Variants in C4BPA observed in about 807,000 individuals in gnomAD.
The protein encoded by C4BPA is C4b-binding protein alpha chain.
A neutral mutation model predicts 63.7 loss-of-function variants in C4BPA; 31 were observed. That is an observed-to-expected ratio of 0.49 (90% CI 0.37 to 0.66). C4BPA has a LOEUF of 0.66. C4BPA is among the 30% of genes least tolerant of loss of function. C4BPA has a pLI of 0.00. For synonymous variants in C4BPA, 259 were observed against 254.7 expected (o/e 1.02, Z -0.16); for missense variants, 572 against 723.3 (o/e 0.79, Z 2.40).
chr1:207,120,536 G>A (rs927210240), intron 4 of C4BPA, among the ~76,000 whole-genome samples: 1 of 152,030 alleles, frequency 6.6e-6, no homozygotes, highest in African/African-American at 2.4e-5. Context: ...AGGTTGAGGT[G>A]GGAAGATCAC....
chr1:207,128,818 A>C (rs1024365060), intron 7 of C4BPA, among the ~76,000 whole-genome samples: 1 of 152,224 alleles, frequency 6.6e-6, no homozygotes, highest in Non-Finnish European at 1.5e-5. Flanking sequence ...GGGAGAATCA[A>C]TATCCAAAGT....
chr1:207,108,863 C>T (rs1433562154), intron 1 of C4BPA, among the ~76,000 whole-genome samples: 1 of 152,248 alleles, frequency 6.6e-6, no homozygotes. Context: ...GCTGGGATTA[C>T]AGGCGTGCAC....
chr1:207,122,262 A>G (rs967539473), intron 4 of C4BPA, among the ~76,000 whole-genome samples: 1 of 152,200 alleles, frequency 6.6e-6, no homozygotes, highest in Non-Finnish European at 1.5e-5. Flanking sequence ...TTCAGATAAT[A>G]TATCTGAGGC....
At chr1:207,132,399 T>A (rs1685179858) in intron 8 of C4BPA, among the ~76,000 whole-genome samples, 1 of 152,230 alleles carries the variant, frequency 6.6e-6, no homozygotes, top group Non-Finnish European at 1.5e-5. Flanking sequence ...GAAAATGCTT[T>A]CTTCTATCCA....
At chr1:207,134,312 G>A in intron 8 of C4BPA, 92 bp from the exon 9 acceptor site, 1 of 910,522 alleles carries the variant, frequency 1.1e-6, no homozygotes. Flanking sequence ...CTTCAGTGGT[G>A]AGATCGTCCA....
At chr1:207,114,485 C>CTTTT (rs34895847) in intron 3 of C4BPA, among the ~76,000 whole-genome samples, 200 bp downstream of exon 3, 8 of 59,550 alleles carry the variant, frequency 1.3e-4, no homozygotes, top group Non-Finnish European at 1.6e-4. Context: ...TAACTCTGTT[C>CTTTT]TTTTTTTTTT....
intron 9 of C4BPA, among the ~76,000 whole-genome samples, chr1:207,135,828 T>C (rs1441159655): frequency 6.6e-6 from 1 of 152,238 alleles, no homozygotes; most frequent in Non-Finnish European, 1.5e-5. Flanking sequence ...TTCTGAATGA[T>C]GCAGTATGTG....
chr1:207,134,311 T>G, intron 8 of C4BPA, 93 bp from the exon 9 acceptor site: 60 of 893,674 alleles, frequency 6.7e-5, no homozygotes, highest in Non-Finnish European at 1.0e-4. Context: ...TCTTCAGTGG[T>G]GAGATCGTCC....
chr1:207,108,571 G>C (rs1009359184), intron 1 of C4BPA, among the ~76,000 whole-genome samples: 1 of 152,120 alleles, frequency 6.6e-6, no homozygotes, highest in Admixed American at 6.5e-5. Flanking sequence ...TTAGCAACCA[G>C]AGTAAAGAAG....
At position 207,123,122 on chromosome 1, in the gene C4BPA, T is replaced by C. The variant is rs1056865041; in HGVS notation, c.429-800T>C. On this transcript the variant is annotated intron_variant, in intron 4 of 11. Coordinates refer to ENST00000367070, the MANE Select transcript of C4BPA (RefSeq NM_000715.4). ...CTGTTGAAACACTAAGGTGTTCCCA[T>C]TGAAACAACCAGAAACAATATTTTG... is the stretch of plus-strand genomic sequence containing the variant. Among the ~76,000 whole-genome samples the C allele has an allele frequency of 9.2e-5, 14 of 152,354 alleles. No individual in the cohort carries two copies. The East Asian group carries it at 1.9e-3, about 21-fold the overall frequency.
At chr1:207,137,742 C>T (rs979572379) in intron 9 of C4BPA, among the ~76,000 whole-genome samples, 1 of 152,064 alleles carries the variant, frequency 6.6e-6, no homozygotes, top group Admixed American at 6.6e-5. Flanking sequence ...CTCAGCCTCC[C>T]GAGTAGCTGG....
At chr1:207,105,306 C>T (rs1684535405) in intron 1 of C4BPA, among the ~76,000 whole-genome samples, 1 of 152,034 alleles carries the variant, frequency 6.6e-6, no homozygotes, top group South Asian at 2.1e-4. Context: ...TCCTGTAATC[C>T]CAGCACTTTG....
Position 207,124,175 on chromosome 1 carries a change from T to C in C4BPA, c.515T>C (p.Ile172Thr). ...GWSHPLPQCE[I>T]VKCKPPPDIR... ...CTTTCTCTTCACTCACTTACCTCAG[T>C]TGTCAAGTGTAAGCCTCCTCCAGAC... Residue 172 changes from isoleucine to threonine, a missense_variant and splice_region_variant, in exon 6 of 12, where the codon ATT becomes ACT. Ile to Thr is a moderately conservative substitution (Grantham distance 89). This residue lies in a region of C4BPA where 465 missense variants were observed against 629.4 expected (regional missense o/e 0.74). Transcript: ENST00000367070. 2 of 1,612,150 alleles carry C rather than the reference T, an allele frequency of 1.2e-6. No homozygotes were observed. The highest frequency in any genetic ancestry group is 1.1e-5 in the South Asian group (1 of 91,040).
intron 4 of C4BPA, among the ~76,000 whole-genome samples, chr1:207,120,562 C>T (rs1035539082): frequency 1.3e-5 from 2 of 152,044 alleles, no homozygotes; most frequent in South Asian, 2.1e-4. Context: ...CCCAGGAGTT[C>T]AAGACCAGCC....
chr1:207,143,688 A>G, intron 10 of C4BPA, 130 bp from the exon 11 acceptor site: 1 of 676,992 alleles, frequency 1.5e-6, no homozygotes. Flanking sequence ...GCTAATATGA[A>G]TGTTTTCAAA....
intron 9 of C4BPA, among the ~76,000 whole-genome samples, chr1:207,140,377 C>A (rs777852260): frequency 2.6e-5 from 4 of 152,220 alleles, no homozygotes; most frequent in Non-Finnish European, 5.9e-5. Flanking sequence ...GCAATCCCAG[C>A]ATTTCAGTCT....
intron 8 of C4BPA, among the ~76,000 whole-genome samples, chr1:207,133,307 G>A (rs1685200772): frequency 6.6e-6 from 1 of 152,162 alleles, no homozygotes; most frequent in African/African-American, 2.4e-5. Flanking sequence ...ATGTCCAAAA[G>A]ACCCCATTTT....
At chr1:207,112,451 C>T (rs74682478) in intron 1 of C4BPA, among the ~76,000 whole-genome samples, 3,250 of 151,754 alleles carry the variant, frequency 0.021, 119 homozygotes, top group African/African-American at 0.076. Context: ...CTCAACCTCC[C>T]TGTTTCTTTC....
chr1:207,126,612 A>G (rs938217431), intron 6 of C4BPA, 101 bp from the exon 7 acceptor site: 12 of 777,542 alleles, frequency 1.5e-5, no homozygotes, highest in Admixed American at 4.8e-5. Flanking sequence ...CACATTCAAC[A>G]GGCATTTGTG....
Sources: allele counts gnomAD v4.1 joint callset (sites outside exome capture counted in the v4.1 genomes callset), GRCh38; gene constraint gnomAD v4.1.1; regional missense constraint gnomAD v4.1.1; transcripts MANE v1.5; gene names NCBI Gene and HGNC (gene_info 2026-07-23, HGNC 2026-07-21).